Variants in PGAP4 observed in about 807,000 individuals in gnomAD.
PGAP4 encodes GPI-N-acetylgalactosamine transferase PGAP4.
In PGAP4, 12 loss-of-function variants were observed where a neutral mutation model predicts 28.2. The ratio of observed to expected loss-of-function variants is 0.42; its 90% confidence interval spans 0.27 to 0.69. The LOEUF (loss-of-function observed/expected upper bound fraction) is 0.69. PGAP4 is among the 30% of genes least tolerant of loss of function. The pLI is 0.22. For synonymous variants in PGAP4, 205 were observed against 211.8 expected (o/e 0.97, Z 0.28); for missense variants, 425 against 513.5 (o/e 0.83, Z 1.67).
intron 2 of PGAP4, among the ~76,000 whole-genome samples, chr9:101,529,484 C>T (rs534639671): frequency 6.6e-6 from 1 of 152,244 alleles, no homozygotes; most frequent in Non-Finnish European, 1.5e-5. Flanking sequence ...GAGCATTAAA[C>T]TAAATGGGGC....
chr9:101,527,193 T>G (rs961839321), intron 2 of PGAP4, among the ~76,000 whole-genome samples: 1 of 152,192 alleles, frequency 6.6e-6, no homozygotes, highest in Admixed American at 6.5e-5. Context: ...GCGCTGAGAT[T>G]CTGGAGGCAG....
intron 1 of PGAP4, among the ~76,000 whole-genome samples, chr9:101,478,204 T>A (rs1201963452): frequency 1.3e-5 from 2 of 152,190 alleles, no homozygotes; most frequent in African/African-American, 4.8e-5. Flanking sequence ...TTAAAATCTA[T>A]CCATGTGTTC....
intron 1 of PGAP4, 42 bp from the exon 2 acceptor site, chr9:101,477,211 A>AAAAACAAAC (rs369770889): frequency 8.0e-7 from 1 of 1,245,988 alleles, no homozygotes. Flanking sequence ...GTAACTTAAA[A>AAAAACAAAC]AAACAAACAA....
intron 2 of PGAP4, among the ~76,000 whole-genome samples, chr9:101,511,883 G>A (rs2041726952): frequency 6.6e-6 from 1 of 152,088 alleles, no homozygotes; most frequent in Admixed American, 6.5e-5. Flanking sequence ...CCTAGGATGG[G>A]ATAGTCTTCC....
At chr9:101,507,167 A>T (rs1465545520) in intron 2 of PGAP4, among the ~76,000 whole-genome samples, 1 of 151,994 alleles carries the variant, frequency 6.6e-6, no homozygotes, top group Non-Finnish European at 1.5e-5. Flanking sequence ...TTGAGACTTG[A>T]GTGCTCTCCA....
At position 101,486,368 on chromosome 9, in the gene PGAP4, A is replaced by T. The variant is rs1450967755; in HGVS notation, c.-78+581T>A. On this transcript the variant is annotated intron_variant, in intron 1 of 1. Coordinates refer to ENST00000374848, the MANE Select transcript of PGAP4 (RefSeq NM_032342.3). This position sits in a 1 kb window ranked among gnomAD's most constrained non-coding sequence, Gnocchi z 4.7. ...CTGGTTTTTCCTGGTCCTGGGAGGG[A>T]CGCCTTCCTCTGCCCAGTCGCCCTC... Among the ~76,000 whole-genome samples, 2 of 151,432 alleles carry T rather than the reference A, an allele frequency of 1.3e-5. No individual in the cohort carries two copies. The highest frequency in any genetic ancestry group is 2.4e-5 in the African/African-American group (1 of 41,184).
chr9:101,505,060 C>CTTAAGCT (rs1826838382), intron 2 of PGAP4, among the ~76,000 whole-genome samples: 2 of 152,084 alleles, frequency 1.3e-5, no homozygotes, highest in South Asian at 4.1e-4. Flanking sequence ...ACATTTCCTC[C>CTTAAGCT]TTAAGCTTTT....
In PGAP4 at chr9:101,476,597, T is replaced by C. The variant is rs1325283622; in HGVS notation, c.496A>G (p.Asn166Asp). 1 of 1,614,204 alleles carries C rather than the reference T, an allele frequency of 6.2e-7. No individual in the cohort carries two copies. The highest frequency in any genetic ancestry group is 8.5e-7 in the Non-Finnish European group (1 of 1,180,044). ...TCATCCTCAGTGCCCTCATAGCGAT[T>C]GGCCACAGGGACATACTTGGAGAGC... ...KLLSKYVPVA[N>D]RYEGTEDDYG... Residue 166 changes from asparagine to aspartate, a missense_variant, in exon 2 of 2, where the codon AAT becomes GAT. Asn to Asp is a conservative substitution (Grantham distance 23). Coordinates refer to ENST00000374848, the MANE Select transcript of PGAP4 (RefSeq NM_032342.3). This position sits in a 1 kb window ranked among gnomAD's most constrained non-coding sequence, Gnocchi z 7.0.
rs143962211 is a variant in PGAP4 at position 101,479,208 on chromosome 9, T to C, written c.-77-2039A>G. Among the ~76,000 whole-genome samples the C allele has an allele frequency of 1.3e-4, 20 of 152,372 alleles. No homozygotes were observed. In the East Asian group the frequency reaches 2.9e-3, roughly 22 times the overall value. On this transcript the variant is annotated intron_variant, in intron 1 of 1. Coordinates refer to ENST00000374848, the MANE Select transcript of PGAP4 (RefSeq NM_032342.3). ...GCAATGGAGTTAACAAACCATGTGG[T>C]TGAACGTGATTGAACGTGGCCTCAC...
At chr9:101,505,518 G>T (rs539700916) in intron 2 of PGAP4, among the ~76,000 whole-genome samples, 2 of 151,994 alleles carry the variant, frequency 1.3e-5, no homozygotes, top group South Asian at 4.2e-4. Context: ...CTTTTCTTGG[G>T]TATTTCCAGC....
chr9:101,506,824 G>C (rs1275329332), intron 2 of PGAP4, among the ~76,000 whole-genome samples: 1 of 152,094 alleles, frequency 6.6e-6, no homozygotes, highest in Non-Finnish European at 1.5e-5. Flanking sequence ...CAATTGCTCA[G>C]AGATTAATTA....
chr9:101,489,865 C>T (rs1377104535), upstream of PGAP4, among the ~76,000 whole-genome samples: 1 of 152,042 alleles, frequency 6.6e-6, no homozygotes, highest in African/African-American at 2.4e-5. Flanking sequence ...TTTTGGGACA[C>T]ATAAAAAAAG....
At chr9:101,478,844 G>C (rs1416177251) in intron 1 of PGAP4, among the ~76,000 whole-genome samples, 1 of 152,200 alleles carries the variant, frequency 6.6e-6, no homozygotes, top group Non-Finnish European at 1.5e-5. Context: ...GGACTGTGTT[G>C]TGAGCAATAC....
intron 2 of PGAP4, among the ~76,000 whole-genome samples, chr9:101,524,161 C>T (rs1184282462): frequency 6.6e-6 from 1 of 151,148 alleles, no homozygotes; most frequent in East Asian, 1.9e-4. Flanking sequence ...GTGCAATGGA[C>T]TCCGTGAGGG....
At chr9:101,482,038 C>A (rs1451128105) in intron 1 of PGAP4, among the ~76,000 whole-genome samples, 1 of 152,198 alleles carries the variant, frequency 6.6e-6, no homozygotes, top group East Asian at 1.9e-4. Context: ...ATGAGCAACA[C>A]AAGCCAAAAG....
At chr9:101,507,572 G>A (rs1327397751) in intron 2 of PGAP4, among the ~76,000 whole-genome samples, 4 of 152,028 alleles carry the variant, frequency 2.6e-5, no homozygotes, top group Non-Finnish European at 5.9e-5. Flanking sequence ...CCTTCCTTGG[G>A]AAGAAAAAAC....
chr9:101,504,062 T>C (rs1826826510), intron 2 of PGAP4, among the ~76,000 whole-genome samples: 1 of 151,908 alleles, frequency 6.6e-6, no homozygotes, highest in African/African-American at 2.4e-5. Flanking sequence ...AAGTGGGAGA[T>C]TCACAGCAAA....
chr9:101,509,469 T>A (rs1486252223), intron 2 of PGAP4, among the ~76,000 whole-genome samples: 3 of 152,166 alleles, frequency 2.0e-5, no homozygotes, highest in Non-Finnish European at 4.4e-5. Context: ...GTGCTGCCAG[T>A]GGTGACTATT....
chr9:101,492,543 G>T (rs1826700273), intron 2 of PGAP4, among the ~76,000 whole-genome samples: 1 of 152,102 alleles, frequency 6.6e-6, no homozygotes, highest in Non-Finnish European at 1.5e-5. Context: ...GTTAAGACTG[G>T]ACATTGTAAT....
Sources: gnomAD v4.1 joint callset for allele counts (sites outside exome capture counted in the v4.1 genomes callset) on GRCh38, gnomAD v4.1.1 for gene constraint, Gnocchi (gnomAD v3.1) non-coding constraint, MANE v1.5 for transcripts, NCBI Gene and HGNC (gene_info 2026-07-23, HGNC 2026-07-21) for gene names.